Variants in PCDH9 observed in about 807,000 individuals in gnomAD.
PCDH9 encodes protocadherin 9.
Under a neutral mutation model 70.6 loss-of-function variants are expected in PCDH9, and 24 were observed. That is an observed-to-expected ratio of 0.34 (90% CI 0.25 to 0.48). The LOEUF (loss-of-function observed/expected upper bound fraction) is 0.48, where lower values mean the gene tolerates loss of function less well. Among genes scored for constraint, PCDH9 ranks in the 20% least tolerant of loss-of-function variants. The probability of loss-of-function intolerance (pLI) is 0.99; values close to 1 mark genes in which losing one functional copy is unlikely to be tolerated. For synonymous variants in PCDH9, 562 were observed against 558.5 expected (o/e 1.01, Z -0.09); for missense variants, 1,281 against 1,503.6 (o/e 0.85, Z 2.45).
intron 4 of PCDH9, among the ~76,000 whole-genome samples, chr13:66,624,120 T>A (rs2077469087): frequency 6.6e-6 from 1 of 152,228 alleles, no homozygotes; most frequent in African/African-American, 2.4e-5. Context: ...AGATTAAGAC[T>A]TAATTTTGAA....
intron 4 of PCDH9, among the ~76,000 whole-genome samples, chr13:66,545,160 C>T (rs1214236532): frequency 1.3e-5 from 2 of 152,046 alleles, no homozygotes; most frequent in Admixed American, 1.3e-4. Context: ...ATTTGATTTG[C>T]ATGTTAATTC....
intron 3 of PCDH9, among the ~76,000 whole-genome samples, chr13:66,863,270 A>G (rs908954563): frequency 1.3e-5 from 2 of 152,194 alleles, no homozygotes; most frequent in Non-Finnish European, 2.9e-5. Flanking sequence ...TCTCATCTGT[A>G]AAGCAGTGGA....
intron 2 of PCDH9, among the ~76,000 whole-genome samples, chr13:67,022,936 G>A (rs902027637): frequency 6.6e-6 from 1 of 152,218 alleles, no homozygotes; most frequent in Non-Finnish European, 1.5e-5. Context: ...CCTGGATACT[G>A]AGTGTGACAG....
chr13:66,931,707 C>T (rs2082811995), intron 2 of PCDH9, among the ~76,000 whole-genome samples: 1 of 152,084 alleles, frequency 6.6e-6, no homozygotes, highest in Non-Finnish European at 1.5e-5. Flanking sequence ...CGTAGGTTGC[C>T]TGTGTCAAGT....
intron 4 of PCDH9, among the ~76,000 whole-genome samples, chr13:66,406,793 T>A (rs1957288279): frequency 1.3e-5 from 2 of 152,180 alleles, no homozygotes; most frequent in Admixed American, 6.5e-5. Context: ...AAATTAAGCA[T>A]TAATGACAGC....
At chr13:66,352,532 C>G (rs528762032) in intron 4 of PCDH9, among the ~76,000 whole-genome samples, 3 of 152,132 alleles carry the variant, frequency 2.0e-5, no homozygotes, top group African/African-American at 7.2e-5. Flanking sequence ...TATGTACTCA[C>G]AGGACCTCTT....
chr13:66,934,646 T>C (rs1471671572), intron 2 of PCDH9, among the ~76,000 whole-genome samples: 6 of 150,222 alleles, frequency 4.0e-5, no homozygotes, highest in Middle Eastern at 3.2e-3. Context: ...GAGGAAATTT[T>C]AGTGAATATT....
At chr13:66,377,791 T>G (rs1393799400) in intron 4 of PCDH9, among the ~76,000 whole-genome samples, 1 of 152,214 alleles carries the variant, frequency 6.6e-6, no homozygotes, top group Non-Finnish European at 1.5e-5. Context: ...TTGTGCAATT[T>G]AGAGCTAACT....
At chr13:66,680,482 T>G (rs1046923374) in intron 3 of PCDH9, among the ~76,000 whole-genome samples, 2 of 152,010 alleles carry the variant, frequency 1.3e-5, no homozygotes, top group African/African-American at 4.8e-5. Context: ...TATTATAAAT[T>G]TAAAGACAAC....
At chr13:67,037,055 C>A (rs569835139) in intron 2 of PCDH9, among the ~76,000 whole-genome samples, 2 of 152,236 alleles carry the variant, frequency 1.3e-5, no homozygotes, top group South Asian at 4.1e-4. Context: ...TTTCAGATTA[C>A]CCCACAGACT....
chr13:67,118,472 T>C (rs2086818782), intron 2 of PCDH9, among the ~76,000 whole-genome samples: 1 of 152,186 alleles, frequency 6.6e-6, no homozygotes. Context: ...CCAACAGTTT[T>C]ATTTGGTAAT....
intron 3 of PCDH9, among the ~76,000 whole-genome samples, chr13:66,800,318 C>T (rs2080306861): frequency 1.3e-5 from 2 of 152,030 alleles, no homozygotes; most frequent in South Asian, 4.1e-4. Flanking sequence ...TCATCCAAGT[C>T]TTTGTTCAAC....
chr13:66,456,667 C>T (rs796319422), intron 4 of PCDH9, among the ~76,000 whole-genome samples: 2 of 152,074 alleles, frequency 1.3e-5, no homozygotes, highest in East Asian at 1.9e-4. Flanking sequence ...AATTCTTGTG[C>T]TTTCTCAACA....
intron 2 of PCDH9, among the ~76,000 whole-genome samples, chr13:66,907,244 C>T (rs967483832): frequency 1.3e-5 from 2 of 151,978 alleles, no homozygotes; most frequent in Non-Finnish European, 2.9e-5. Context: ...AAGGTTCATC[C>T]CACCAAAAAA....
intron 3 of PCDH9, among the ~76,000 whole-genome samples, chr13:66,826,753 A>C (rs2080830404): frequency 6.6e-6 from 1 of 152,196 alleles, no homozygotes; most frequent in Non-Finnish European, 1.5e-5. Context: ...GTCAGAGAAG[A>C]TATTTTTGAG....
chr13:66,781,806 G>A (rs148772307), intron 3 of PCDH9, among the ~76,000 whole-genome samples: 5 of 152,200 alleles, frequency 3.3e-5, no homozygotes, highest in African/African-American at 9.6e-5. Flanking sequence ...TGGCACATAA[G>A]TAATGAACTT....
chr13:66,545,143 T>G (rs1961128556), intron 4 of PCDH9, among the ~76,000 whole-genome samples: 1 of 152,184 alleles, frequency 6.6e-6, no homozygotes. Context: ...TATTTTTAAT[T>G]TCCTTTATTT....
Position 66,795,740 on chromosome 13 carries a change from G to A in PCDH9, c.3138+107764C>T, listed in dbSNP as rs555457457. Among the ~76,000 whole-genome samples the A allele has an allele frequency of 1.2e-4, 18 of 152,252 alleles. No individual in the cohort carries two copies. The East Asian group carries it at 2.1e-3, about 18-fold the overall frequency. ...AAAGATGGTAAAACATGATAATGCT[G>A]TCAATTTAAAGCAGCTCATTACAGA... On this transcript the variant is annotated intron_variant, in intron 3 of 4. Transcript: ENST00000377865.
intron 4 of PCDH9, among the ~76,000 whole-genome samples, chr13:66,609,268 AC>A (rs2077261401): frequency 1.3e-5 from 2 of 152,226 alleles, no homozygotes; most frequent in Admixed American, 6.5e-5. Flanking sequence ...TATGCTCCAA[AC>A]AAAATAGAAA....
Sources: gnomAD v4.1 joint callset for allele counts (sites outside exome capture counted in the v4.1 genomes callset) on GRCh38, gnomAD v4.1.1 for gene constraint, MANE v1.5 for transcripts, NCBI Gene and HGNC (gene_info 2026-07-23, HGNC 2026-07-21) for gene names.